WDPCP: variants seen among roughly 807,000 people sequenced by gnomAD.
WDPCP encodes WD repeat-containing and planar cell polarity effector protein fritz homolog.
WDPCP carries 71 observed loss-of-function variants against 93.1 expected under a neutral mutation model. The observed-to-expected ratio is 0.76, with a 90% CI of 0.63 to 0.93. The LOEUF (loss-of-function observed/expected upper bound fraction) is 0.93, where lower values mean the gene tolerates loss of function less well. Ranked by LOEUF, WDPCP falls within the 40% of genes least tolerant of loss-of-function variation. The pLI, the probability that WDPCP is intolerant of heterozygous loss-of-function variation, is 0.00. For synonymous variants in WDPCP, 315 were observed against 315.0 expected (o/e 1.00, Z 0.00); for missense variants, 844 against 887.4 (o/e 0.95, Z 0.62).
intron 12 of WDPCP, among the ~76,000 whole-genome samples, chr2:63,346,922 A>G (rs1233106332): frequency 6.6e-6 from 1 of 152,176 alleles, no homozygotes; most frequent in African/African-American, 2.4e-5. Context: ...TATACTGTCA[A>G]TCTTTTAATA....
In WDPCP at chr2:63,182,553, G is replaced by A. The variant is rs907552160; in HGVS notation, c.1916-7721C>T. On this transcript the variant is annotated intron_variant, in intron 14 of 17. Transcript: ENST00000272321. ...GTTGTATTGGGTTTGCTAGTACTTTGCTGCAGATTTTTGCATCTATGTTCA... is the reference window on the plus strand; with the variant it reads ...GTTGTATTGGGTTTGCTAGTACTTTACTGCAGATTTTTGCATCTATGTTCA... Among the ~76,000 whole-genome samples the A allele has an allele frequency of 5.3e-5, 8 of 152,026 alleles. No individual in the cohort carries two copies. In the South Asian group the frequency reaches 1.7e-3, roughly 32 times the overall value.
rs1669308607 is a variant in WDPCP, at chr2:63,714,622, G to A, written n.309-63784C>T. Among the ~76,000 whole-genome samples, 3 of 152,114 alleles carry A rather than the reference G, an allele frequency of 2.0e-5. No individual in the cohort carries two copies. In the South Asian group the frequency reaches 6.2e-4, roughly 31 times the overall value. On this transcript the variant is annotated intron_variant and non_coding_transcript_variant, in intron 2 of 4. Transcript: ENST00000467687. ...AGGCGGGCGGATCACGAGGTCAGGA[G>A]GTCAATACCATCCTGGGTAACACAG...
chr2:63,313,224 A>G (rs755622163), intron 13 of WDPCP, 24 bp downstream of exon 13: 1 of 1,611,518 alleles, frequency 6.2e-7, no homozygotes, highest in East Asian at 2.2e-5. Flanking sequence ...TGAAGGCACA[A>G]AATCATCTCT....
At chr2:63,713,619 T>G (rs1239739260) in intron 2 of WDPCP, among the ~76,000 whole-genome samples, 1 of 152,202 alleles carries the variant, frequency 6.6e-6, no homozygotes, top group Non-Finnish European at 1.5e-5. Flanking sequence ...TCTTTCTACA[T>G]CATAATTAAA....
intron 3 of WDPCP, among the ~76,000 whole-genome samples, chr2:63,647,736 A>T (rs1335175563): frequency 3.9e-5 from 6 of 152,156 alleles, no homozygotes; most frequent in Admixed American, 2.0e-4. Context: ...TATTTTTGCA[A>T]GATGTAACCA....
chr2:63,773,358 A>G (rs1004894524), intron 2 of WDPCP, among the ~76,000 whole-genome samples: 1 of 152,082 alleles, frequency 6.6e-6, no homozygotes, highest in Non-Finnish European at 1.5e-5. Context: ...GTTGTATAAT[A>G]ACATTTATAT....
intron 1 of WDPCP, among the ~76,000 whole-genome samples, chr2:63,566,896 A>G (rs943511834): frequency 1.3e-5 from 2 of 152,232 alleles, no homozygotes; most frequent in Non-Finnish European, 2.9e-5. Context: ...CATAGAACTC[A>G]GAAAGGAACC....
At chr2:63,272,614 T>C (rs750890158) in intron 13 of WDPCP, among the ~76,000 whole-genome samples, 1 of 152,156 alleles carries the variant, frequency 6.6e-6, no homozygotes, top group Non-Finnish European at 1.5e-5. Context: ...ATGATCCGAA[T>C]GAGAAATTCA....
At chr2:63,719,621 G>C (rs893367507) in intron 2 of WDPCP, among the ~76,000 whole-genome samples, 1 of 152,100 alleles carries the variant, frequency 6.6e-6, no homozygotes, top group Non-Finnish European at 1.5e-5. Context: ...TTTAATAGAC[G>C]TGTGGTGGGT....
At chr2:63,146,956 A>G (rs1391709212) in intron 17 of WDPCP, among the ~76,000 whole-genome samples, 1 of 152,200 alleles carries the variant, frequency 6.6e-6, no homozygotes, top group Non-Finnish European at 1.5e-5. Context: ...TCATAATAAA[A>G]TTTTGGTAAA....
At chr2:63,605,447 GATATA>G (rs1030958899) in intron 3 of WDPCP, 1 of 1,250,064 alleles carries the variant, frequency 8.0e-7, no homozygotes, top group Non-Finnish European at 1.2e-6. Flanking sequence ...GTTGCCTGAT[GATATA>G]ATATAAAAAG....
intron 2 of WDPCP, among the ~76,000 whole-genome samples, chr2:63,654,395 T>C (rs1169666756): frequency 6.6e-6 from 1 of 152,252 alleles, no homozygotes; most frequent in Non-Finnish European, 1.5e-5. Flanking sequence ...TAGGTCTAGA[T>C]GGGCAAGGCA....
In WDPCP at chr2:63,708,330, GC is replaced by G. The variant is rs1373101319; in HGVS notation, n.309-57493del. On this transcript the variant is annotated intron_variant and non_coding_transcript_variant, in intron 2 of 4. Transcript: ENST00000467687. Reference sequence around the variant, plus strand: ...CCTACTCAATCCTGGGCAATGGCGGGCCCCCCTCCCCCAGCCTCGCTGCTGC... The same window carrying G: ...CCTACTCAATCCTGGGCAATGGCGGGCCCCCTCCCCCAGCCTCGCTGCTGC... Among the ~76,000 whole-genome samples, 18 of 152,264 alleles carry G rather than the reference GC, an allele frequency of 1.2e-4. No individual in the cohort carries two copies. In the East Asian group the frequency reaches 3.3e-3, roughly 28 times the overall value.
intron 1 of WDPCP, among the ~76,000 whole-genome samples, chr2:63,509,952 C>CA (rs1033314228): frequency 2.6e-5 from 4 of 151,304 alleles, no homozygotes; most frequent in South Asian, 2.1e-4. Flanking sequence ...GTCTACCAAC[C>CA]AAAAAAAGCC....
intron 2 of WDPCP, among the ~76,000 whole-genome samples, chr2:63,792,444 G>A (rs974103849): frequency 2.0e-5 from 3 of 152,132 alleles, no homozygotes; most frequent in African/African-American, 7.2e-5. Flanking sequence ...CGACACATGG[G>A]ATTATGGGGA....
At chr2:63,472,061 C>G (rs1390204477) in intron 6 of WDPCP, among the ~76,000 whole-genome samples, 1 of 152,056 alleles carries the variant, frequency 6.6e-6, no homozygotes. Context: ...AAATCACTTT[C>G]TTTCCGAATT....
intron 6 of WDPCP, among the ~76,000 whole-genome samples, chr2:63,459,405 A>G (rs1010538196): frequency 6.6e-6 from 1 of 152,204 alleles, no homozygotes; most frequent in African/African-American, 2.4e-5. Context: ...AAAATGAGCA[A>G]AGTACATGAA....
At chr2:63,421,886 G>A (rs946565061) in intron 9 of WDPCP, among the ~76,000 whole-genome samples, 6 of 152,146 alleles carry the variant, frequency 3.9e-5, no homozygotes, top group African/African-American at 1.4e-4. Flanking sequence ...TATTCATCCC[G>A]TGTCCCTACA....
chr2:63,707,360 G>C (rs927476372), intron 2 of WDPCP, among the ~76,000 whole-genome samples: 1 of 151,918 alleles, frequency 6.6e-6, no homozygotes, highest in African/African-American at 2.4e-5. Context: ...TTCTCTTCAC[G>C]CTTCATTTCA....
Sources: gnomAD v4.1 joint callset for allele counts (sites outside exome capture counted in the v4.1 genomes callset) on GRCh38, gnomAD v4.1.1 for gene constraint, MANE v1.5 for transcripts, NCBI Gene and HGNC (gene_info 2026-07-23, HGNC 2026-07-21) for gene names.